MFHAS1: variants seen among roughly 807,000 people sequenced by gnomAD.
The protein encoded by MFHAS1 is multifunctional ROCO family signaling regulator 1.
MFHAS1 carries 50 observed loss-of-function variants against 70.4 expected under a neutral mutation model. The ratio of observed to expected loss-of-function variants is 0.71; its 90% CI spans 0.57 to 0.90. The LOEUF (loss-of-function observed/expected upper bound fraction) is 0.90. Among genes scored for constraint, MFHAS1 ranks in the 40% least tolerant of loss-of-function variants. The probability of loss-of-function intolerance (pLI) is 0.00; values close to 1 mark genes in which losing one functional copy is unlikely to be tolerated. For missense variants in MFHAS1, 1,795 were observed against 1,347.6 expected (o/e 1.33, Z -5.20); for synonymous variants, 952 against 620.0 (o/e 1.54, Z -7.96).
chr8:8,785,137 C>T lies in MFHAS1; in HGVS notation c.*885G>A, dbSNP rs1805492328. 1 of 152,156 alleles carries T rather than the reference C, an allele frequency of 6.6e-6. No individual in the cohort carries two copies. The highest frequency in any genetic ancestry group is 2.4e-5 in the African/African-American group (1 of 41,418). The allele number at this position is 152,156 out of a possible 1,614,324, so 9.4% of individuals were successfully genotyped here. A position where few individuals can be genotyped will look rare whatever the true frequency, so the allele number is the denominator to read the frequency against. Reference sequence around the variant, plus strand: ...GAACTGACTCCTGATTATCTTAAGCCATTAAAAGACTCAAGTTTTGCATGG... The same window carrying T: ...GAACTGACTCCTGATTATCTTAAGCTATTAAAAGACTCAAGTTTTGCATGG... On this transcript the variant is annotated 3_prime_UTR_variant, in exon 3 of 3. Transcript: ENST00000276282.
At chr8:8,870,181 A>C (rs2116906952) in intron 1 of MFHAS1, among the ~76,000 whole-genome samples, 1 of 152,102 alleles carries the variant, frequency 6.6e-6, no homozygotes, top group South Asian at 2.1e-4. Context: ...CGGGATATGT[A>C]CAGTGGTTCA....
rs183648555 is a variant in MFHAS1, at chr8:8,880,923, G to A, written c.2998+9138C>T. ...TGTTCTCGAACTCCTGACCTCAAGT[G>A]ATCCACCTCCTCAGCCTCCCAAAGT... On this transcript the variant is annotated intron_variant, in intron 1 of 2. Coordinates refer to ENST00000276282, the MANE Select transcript of MFHAS1 (RefSeq NM_004225.3). 3.4e-3 allele frequency among the ~76,000 whole-genome samples: 510 copies of A among 152,104 alleles called. 6 individuals carry two copies. The highest frequency in any genetic ancestry group is 0.012 in the African/African-American group (487 of 41,500).
intron 1 of MFHAS1, among the ~76,000 whole-genome samples, chr8:8,870,202 C>G (rs1809022025): frequency 6.6e-6 from 1 of 151,538 alleles, no homozygotes; most frequent in African/African-American, 2.4e-5. Flanking sequence ...ACCTGTAATC[C>G]CAGCACTTCG....
intron 1 of MFHAS1, among the ~76,000 whole-genome samples, chr8:8,867,227 T>C (rs1438753214): frequency 9.2e-5 from 14 of 152,202 alleles, no homozygotes; most frequent in Admixed American, 9.2e-4. Flanking sequence ...AAAGTCACAA[T>C]GGTCATCAGC....
chr8:8,836,576 C>T (rs921888515), intron 1 of MFHAS1, among the ~76,000 whole-genome samples: 2 of 152,038 alleles, frequency 1.3e-5, no homozygotes, highest in Non-Finnish European at 2.9e-5. Context: ...CAGGGTCTTC[C>T]TATGTTGCCC....
chr8:8,883,706 T>TAAAAA (rs1563219802), intron 1 of MFHAS1, among the ~76,000 whole-genome samples: 3 of 35,704 alleles, frequency 8.4e-5, no homozygotes, highest in African/African-American at 5.6e-4. Flanking sequence ...AGACTCAGTC[T>TAAAAA]CAAAAAAAAA....
At chr8:8,807,144 G>C (rs147233433) in intron 1 of MFHAS1, among the ~76,000 whole-genome samples, 3 of 152,046 alleles carry the variant, frequency 2.0e-5, no homozygotes, top group African/African-American at 7.2e-5. Context: ...CTCTAACCTT[G>C]TCTTGTGCCT....
chr8:8,888,313 T>C (rs1041004502), intron 1 of MFHAS1, among the ~76,000 whole-genome samples: 2 of 152,198 alleles, frequency 1.3e-5, no homozygotes, highest in Non-Finnish European at 2.9e-5. Context: ...CCTGATACTA[T>C]TACCAGCTGC....
chr8:8,839,069 C>G (rs926569259), intron 1 of MFHAS1, among the ~76,000 whole-genome samples: 3 of 151,876 alleles, frequency 2.0e-5, no homozygotes, highest in South Asian at 4.1e-4. Context: ...ACAAACTAGA[C>G]CACTAAAATT....
chr8:8,809,413 TGTAA>T (rs760559425), intron 1 of MFHAS1, among the ~76,000 whole-genome samples: 12 of 152,058 alleles, frequency 7.9e-5, no homozygotes, highest in Non-Finnish European at 1.5e-4. Flanking sequence ...TGGCCCGACA[TGTAA>T]GTATGTCCTT....
intron 1 of MFHAS1, among the ~76,000 whole-genome samples, chr8:8,881,349 GC>G (rs1016443970): frequency 6.6e-6 from 1 of 152,184 alleles, no homozygotes. Context: ...TATCCACGCA[GC>G]CACCATCATA....
chr8:8,843,444 G>A (rs1008002451), intron 1 of MFHAS1, among the ~76,000 whole-genome samples: 1 of 152,110 alleles, frequency 6.6e-6, no homozygotes, highest in African/African-American at 2.4e-5. Context: ...ACTCAGATAC[G>A]GTGTTGTGCA....
chr8:8,846,265 G>A (rs375492663), intron 1 of MFHAS1, among the ~76,000 whole-genome samples: 1 of 97,672 alleles, frequency 1.0e-5, no homozygotes, highest in African/African-American at 3.3e-5. Context: ...AAAAAAAGGG[G>A]GGGGGGGAAG....
chr8:8,810,180 G>A (rs779334568), intron 1 of MFHAS1, among the ~76,000 whole-genome samples: 2 of 152,156 alleles, frequency 1.3e-5, no homozygotes, highest in Admixed American at 6.5e-5. Context: ...CAGCCTGGCC[G>A]ACATGGTAAA....
At chr8:8,845,500 T>C (rs552928674) in intron 1 of MFHAS1, among the ~76,000 whole-genome samples, 1 of 152,304 alleles carries the variant, frequency 6.6e-6, no homozygotes, top group Non-Finnish European at 1.5e-5. Flanking sequence ...CGGAAACAGG[T>C]TCTCAATGAG....
intron 1 of MFHAS1, among the ~76,000 whole-genome samples, chr8:8,886,261 G>A (rs757802236): frequency 2.6e-5 from 4 of 151,716 alleles, no homozygotes; most frequent in Non-Finnish European, 5.9e-5. Flanking sequence ...AAACTCCCAT[G>A]CTCAAGTGAT....
intron 1 of MFHAS1, among the ~76,000 whole-genome samples, chr8:8,802,165 G>A (rs13282015): frequency 1.3e-5 from 2 of 152,002 alleles, no homozygotes; most frequent in Non-Finnish European, 2.9e-5. Context: ...CACCAGAAGG[G>A]AGGGACAATT....
Position 8,821,419 on chromosome 8 carries a change from G to A in MFHAS1, c.2999-23928C>T, listed in dbSNP as rs935592558. 2.0e-5 allele frequency among the ~76,000 whole-genome samples: 3 copies of A among 152,210 alleles called. No individual in the cohort carries two copies. In the East Asian group the frequency reaches 5.8e-4, roughly 29 times the overall value. On this transcript the variant is annotated intron_variant, in intron 1 of 2. Coordinates refer to ENST00000276282, the MANE Select transcript of MFHAS1 (RefSeq NM_004225.3). ...TGTACAAAGATCGAAGATCGGCATG[G>A]AGAATAGCATGAAGCAGTAACCTCC... is the stretch of plus-strand genomic sequence containing the variant.
At chr8:8,870,893 C>T (rs1161787575) in intron 1 of MFHAS1, among the ~76,000 whole-genome samples, 2 of 152,206 alleles carry the variant, frequency 1.3e-5, no homozygotes, top group African/African-American at 4.8e-5. Flanking sequence ...TAAAAGCAAC[C>T]ATGTGCATTT....
Sources: gnomAD v4.1 joint callset for allele counts (sites outside exome capture counted in the v4.1 genomes callset) on GRCh38, gnomAD v4.1.1 for gene constraint, MANE v1.5 for transcripts, NCBI Gene and HGNC (gene_info 2026-07-23, HGNC 2026-07-21) for gene names.